CDC20B: variants seen among roughly 807,000 people sequenced by gnomAD.
CDC20B encodes the protein cell division cycle protein 20 homolog B.
A neutral mutation model predicts 64.1 loss-of-function variants in CDC20B; 58 were observed. That is an observed-to-expected ratio of 0.90 (90% CI 0.73 to 1.13). The LOEUF (loss-of-function observed/expected upper bound fraction) is 1.13. Ranked by LOEUF, CDC20B falls within the 50% of genes most tolerant of loss-of-function variation. The pLI, the probability that CDC20B is intolerant of heterozygous loss-of-function variation, is 0.00. For synonymous variants in CDC20B, 243 were observed against 230.6 expected (o/e 1.05, Z -0.49); for missense variants, 597 against 633.0 (o/e 0.94, Z 0.61).
chr5:55,117,348 C>A (rs1010319186), intron 11 of CDC20B, among the ~76,000 whole-genome samples: 11 of 152,148 alleles, frequency 7.2e-5, no homozygotes, highest in Admixed American at 2.0e-4. Flanking sequence ...AACTTTGTGA[C>A]CACAATCCAC....
chr5:55,143,447 C>T (rs1195906484), intron 4 of CDC20B, 66 bp downstream of exon 4: 11 of 1,474,794 alleles, frequency 7.5e-6, no homozygotes, highest in Non-Finnish European at 1.0e-5. Context: ...TCTTCCCTTA[C>T]ATTTGCAACT....
At chr5:55,142,985 G>C (rs1295104574) in intron 4 of CDC20B, among the ~76,000 whole-genome samples, 4 of 151,986 alleles carry the variant, frequency 2.6e-5, no homozygotes, top group African/African-American at 9.7e-5. Flanking sequence ...ATTTACGTCA[G>C]ACTCCTAAGA....
chr5:55,156,600 GC>G (rs1743815349), intron 2 of CDC20B, among the ~76,000 whole-genome samples: 1 of 152,124 alleles, frequency 6.6e-6, no homozygotes, highest in South Asian at 2.1e-4. Flanking sequence ...CACTGGCCAG[GC>G]ATGGTGGCTC....
chr5:55,143,781 G>T, intron 3 of CDC20B, 138 bp from the exon 4 acceptor site: 1 of 794,930 alleles, frequency 1.3e-6, no homozygotes, highest in East Asian at 2.7e-5. Flanking sequence ...GTCCATTGCA[G>T]AGAGCAGGAC....
chr5:55,127,246 ACG>A lies in CDC20B; in HGVS notation c.989+9_989+10del. 1.9e-6 allele frequency: 3 copies of A among 1,608,542 alleles called. No homozygotes were observed. The highest frequency in any genetic ancestry group is 2.6e-6 in the Non-Finnish European group (3 of 1,174,990). ...TACAAACATAACTGTCTCCAACAAG[ACG>A]CTTCTTACCTGCTGAGGATAAAGTG... On this transcript the variant is annotated intron_variant, in intron 8 of 11. Coordinates refer to ENST00000381375, the MANE Select transcript of CDC20B (RefSeq NM_001170402.1).
intron 2 of CDC20B, chr5:55,160,191 A>G: frequency 6.2e-7 from 1 of 1,612,924 alleles, no homozygotes; most frequent in Non-Finnish European, 8.5e-7. Context: ...GAATCCTCCA[A>G]CATGGAGCCT....
At chr5:55,124,612 A>G (rs1742830203) in intron 9 of CDC20B, among the ~76,000 whole-genome samples, 191 bp downstream of exon 9, 1 of 152,226 alleles carries the variant, frequency 6.6e-6, no homozygotes, top group Non-Finnish European at 1.5e-5. Context: ...TCAGTCACCT[A>G]CAACTAAAAA....
intron 1 of CDC20B, 93 bp downstream of exon 1, chr5:55,172,845 G>T: frequency 1.6e-6 from 2 of 1,258,908 alleles, no homozygotes; most frequent in Non-Finnish European, 2.2e-6. Context: ...TTAGAGTTTC[G>T]TACCACCTCT....
At chr5:55,164,406 T>TC in intron 2 of CDC20B, 1 of 379,810 alleles carries the variant, frequency 2.6e-6, no homozygotes, top group Non-Finnish European at 4.6e-6. Context: ...GAAGGATTTT[T>TC]TTTTAATGTT....
At chr5:55,151,139 A>G (rs911838455) in intron 2 of CDC20B, among the ~76,000 whole-genome samples, 2 of 152,220 alleles carry the variant, frequency 1.3e-5, no homozygotes, top group East Asian at 3.8e-4. Flanking sequence ...AGCCCCAGAA[A>G]CTGAGGGAAT....
chr5:55,166,650 T>A (rs1744404736), intron 2 of CDC20B: 1 of 152,180 alleles, frequency 6.6e-6, no homozygotes, highest in Admixed American at 6.5e-5. Context: ...TATTGGACAA[T>A]CTTCCTTCAG....
chr5:55,165,477 A>T (rs1292126283), intron 2 of CDC20B: 2 of 152,236 alleles, frequency 1.3e-5, no homozygotes. Flanking sequence ...TTGACTCCCA[A>T]ATTCTGACCT....
At position 55,124,848 on chromosome 5, in the gene CDC20B, T is replaced by G. The variant is rs771108187; in HGVS notation, c.1170A>C (p.Ala390=). ...TTATGACTTTCAGCGGTTGGCCCTG[T>G]GCACTGGCACCTGGATCGTGGGGCC... ...TIWPHDPGAS[A]QGQPLKVITQ... is the part of the protein sequence containing the mutation. The change falls in exon 9 of 12, where the codon GCA becomes GCC. Residue 390 remains alanine (A), a synonymous_variant. Coordinates refer to ENST00000381375, the MANE Select transcript of CDC20B (RefSeq NM_001170402.1). The G allele has an allele frequency of 1.2e-6, 2 of 1,614,210 alleles. No individual in the cohort carries two copies.
chr5:55,146,948 G>A, intron 2 of CDC20B, 92 bp from the exon 3 acceptor site: 1 of 643,294 alleles, frequency 1.6e-6, no homozygotes, highest in South Asian at 2.4e-5. Context: ...GACTCATCTA[G>A]TACAACACCA....
At chr5:55,116,393 C>A (rs569416160) in intron 11 of CDC20B, among the ~76,000 whole-genome samples, 37 of 152,244 alleles carry the variant, frequency 2.4e-4, no homozygotes, top group African/African-American at 8.9e-4. Flanking sequence ...ATAGAAAGAT[C>A]CAGCCTCCTA....
chr5:55,120,671 C>T (rs764297435), intron 9 of CDC20B, 121 bp from the exon 10 acceptor site: 3 of 1,199,498 alleles, frequency 2.5e-6, no homozygotes, highest in Non-Finnish European at 3.5e-6. Context: ...TCTCCTGGGC[C>T]TGCTATCTAA....
intron 3 of CDC20B, among the ~76,000 whole-genome samples, chr5:55,146,055 T>C (rs1241348072): frequency 6.6e-6 from 1 of 152,194 alleles, no homozygotes; most frequent in East Asian, 1.9e-4. Context: ...AAAGTAATCA[T>C]CTAACCAATG....
At chr5:55,140,282 C>T (rs1375601317) in intron 5 of CDC20B, 32 bp downstream of exon 5, 2 of 1,340,982 alleles carry the variant, frequency 1.5e-6, no homozygotes, top group Admixed American at 4.0e-5. Flanking sequence ...GAGAGGAGCG[C>T]AGGAAAGAAG....
In CDC20B at chr5:55,143,503, C is replaced by T. The variant is rs1398591404; in HGVS notation, c.486+10G>A. On this transcript the variant is annotated intron_variant, in intron 4 of 11. Coordinates refer to ENST00000381375, the MANE Select transcript of CDC20B (RefSeq NM_001170402.1). ...GATGTGGGATCTTCAGTTTTTTTCT[C>T]TTTACCTACCTGCCCTTTTGAGGCA... 2 of 1,572,858 alleles carry T rather than the reference C, an allele frequency of 1.3e-6. No individual in the cohort carries two copies. Among genetic ancestry groups the T allele is most frequent in the Non-Finnish European group, 8.6e-7 (1 of 1,163,156 alleles).
Sources: allele counts gnomAD v4.1 joint callset (sites outside exome capture counted in the v4.1 genomes callset), GRCh38; gene constraint gnomAD v4.1.1; transcripts MANE v1.5; gene names NCBI Gene and HGNC (gene_info 2026-07-23, HGNC 2026-07-21).